Variants in OR51E1 observed in about 807,000 individuals in gnomAD.
OR51E1 encodes olfactory receptor 51E1.
In OR51E1, 9 loss-of-function variants were observed where a neutral mutation model predicts 11.5. That is an observed-to-expected ratio of 0.78 (90% confidence interval 0.47 to 1.37). The LOEUF (loss-of-function observed/expected upper bound fraction) is 1.37. OR51E1 is among the 40% of genes most tolerant of loss of function. The probability of loss-of-function intolerance (pLI) is 0.00; values close to 1 mark genes in which losing one functional copy is unlikely to be tolerated. For synonymous variants in OR51E1, 168 were observed against 158.3 expected (o/e 1.06, Z -0.46); for missense variants, 397 against 410.2 (o/e 0.97, Z 0.28).
At chr11:4,649,752 A>G (rs1318669697) in intron 1 of OR51E1, among the ~76,000 whole-genome samples, 9 of 152,174 alleles carry the variant, frequency 5.9e-5, no homozygotes, top group Non-Finnish European at 1.2e-4. Flanking sequence ...AGAAAAAAAG[A>G]AACACTGGAG....
chr11:4,651,101 C>T (rs1847091553), intron 1 of OR51E1, among the ~76,000 whole-genome samples: 1 of 152,098 alleles, frequency 6.6e-6, no homozygotes, highest in Non-Finnish European at 1.5e-5. Flanking sequence ...TCTGAGATGA[C>T]CCAAGTCTGA....
Position 4,649,347 on chromosome 11 carries a change from AG to A in OR51E1, c.-39-3140del, listed in dbSNP as rs372893959. On this transcript the variant is annotated intron_variant, in intron 1 of 1. Coordinates refer to ENST00000396952, the MANE Select transcript of OR51E1 (RefSeq NM_152430.4). ...CAGGATGTGAACAATGAGTGTGGGAAGTCAAGGAGGAAGATCTGGGAGGAAC... is the reference window on the plus strand; with the variant it reads ...CAGGATGTGAACAATGAGTGTGGGAATCAAGGAGGAAGATCTGGGAGGAAC... 1.5e-3 allele frequency among the ~76,000 whole-genome samples: 224 copies of A among 152,312 alleles called. 4 individuals are homozygous for A. The South Asian group carries it at 0.043, about 29-fold the overall frequency.
chr11:4,645,590 T>C (rs1847021749), intron 1 of OR51E1, among the ~76,000 whole-genome samples: 1 of 152,150 alleles, frequency 6.6e-6, no homozygotes, highest in Non-Finnish European at 1.5e-5. Context: ...ATTGAAAAAA[T>C]GAGTACACTG....
Position 4,652,872 on chromosome 11 carries a change from A to ATGG in OR51E1, c.346_347insTGG (p.Thr116delinsMetAla). 1 of 1,613,878 alleles carries ATGG rather than the reference A, an allele frequency of 6.2e-7. No homozygotes were observed. The highest frequency in any genetic ancestry group is 8.5e-7 in the Non-Finnish European group (1 of 1,179,874). The stretch of plus-strand genomic sequence containing the variant: ...CCACTCCTTATCTGGCATGGAATCC[A>ATGG]CAGTGCTGCTGGCCATGGCTTTTGA... On this transcript the variant is annotated protein_altering_variant, in exon 2 of 2. Coordinates refer to ENST00000396952, the MANE Select transcript of OR51E1 (RefSeq NM_152430.4).
chr11:4,650,502 T>C (rs1203362650), intron 1 of OR51E1, among the ~76,000 whole-genome samples: 1 of 152,172 alleles, frequency 6.6e-6, no homozygotes, highest in Non-Finnish European at 1.5e-5. Context: ...GCAGATTGAA[T>C]TAAACTCTCT....
In OR51E1 at chr11:4,653,229, G is replaced by T; in HGVS notation, c.703G>T (p.Ala235Ser). The T allele has an allele frequency of 1.2e-6, 2 of 1,614,050 alleles. No individual in the cohort carries two copies. Among genetic ancestry groups the T allele is most frequent in the African/African-American group, 1.3e-5 (1 of 75,028 alleles). Residue 235 changes from alanine to serine, a missense_variant, in exon 2 of 2, where the codon GCC (alanine) becomes TCC (serine). Transcript: ENST00000396952. ...LKTVLGLTRE[A>S]QAKAFGTCVS... ...GACTGTGTTGGGCTTGACACGTGAA[G>T]CCCAGGCCAAGGCATTTGGCACTTG...
intron 1 of OR51E1, among the ~76,000 whole-genome samples, chr11:4,646,050 C>T (rs1847026781): frequency 6.6e-6 from 1 of 152,174 alleles, no homozygotes; most frequent in African/African-American, 2.4e-5. Flanking sequence ...GTGACAAGCT[C>T]CTCCAGTCCT....
intron 1 of OR51E1, 42 bp from the exon 2 acceptor site, chr11:4,652,446 G>A (rs1201019149): frequency 1.2e-6 from 1 of 867,986 alleles, no homozygotes; most frequent in Non-Finnish European, 1.9e-6. Flanking sequence ...TTAGGTATTG[G>A]GATGCTTATG....
At chr11:4,645,095 C>A (rs528522563) in intron 1 of OR51E1, among the ~76,000 whole-genome samples, 1 of 146,766 alleles carries the variant, frequency 6.8e-6, no homozygotes, top group Non-Finnish European at 1.5e-5. Context: ...GAGTGTCCTG[C>A]ACCCATCTTC....
In OR51E1 at chr11:4,654,923, T is replaced by C. The variant is rs1205694785; in HGVS notation, c.*1440T>C. Reference sequence around the variant, plus strand: ...CTTTTTCAATCCTCAGGTTCCCTGATATGGATTCCTATAACATGCTTTCAT... The same window carrying C: ...CTTTTTCAATCCTCAGGTTCCCTGACATGGATTCCTATAACATGCTTTCAT... On this transcript the variant is annotated 3_prime_UTR_variant, in exon 2 of 2. Transcript: ENST00000396952. The C allele has an allele frequency of 1.8e-5, 3 of 167,096 alleles. No homozygotes were observed. Among genetic ancestry groups the C allele is most frequent in the African/African-American group, 7.2e-5 (3 of 41,468 alleles). 10.4% of individuals were successfully genotyped at this position (167,096 alleles called of 1,614,324 possible). A position where few individuals can be genotyped will look rare whatever the true frequency, so the allele number is the denominator to read the frequency against.
At chr11:4,650,788 C>T (rs766282) in intron 1 of OR51E1, among the ~76,000 whole-genome samples, 81,639 of 151,816 alleles carry the variant, frequency 0.54, 22,627 homozygotes, top group East Asian at 0.94. Flanking sequence ...AGGTTGAGTA[C>T]CCCTAATCCA....
intron 1 of OR51E1, among the ~76,000 whole-genome samples, chr11:4,650,381 C>T (rs777852630): frequency 7.9e-5 from 12 of 152,152 alleles, no homozygotes; most frequent in Non-Finnish European, 1.6e-4. Context: ...GCTCCTGGTG[C>T]CACATGCTGC....
At position 4,653,617 on chromosome 11, in the gene OR51E1, G is replaced by C. The variant is rs547715692; in HGVS notation, c.*134G>C. 37 of 563,690 alleles carry C rather than the reference G, an allele frequency of 6.6e-5. No homozygotes were observed. In the South Asian group the frequency reaches 1.0e-3, roughly 16 times the overall value. 34.9% of individuals were successfully genotyped at this position (563,690 alleles called of 1,614,324 possible). ...ACTCAGATCCTTCAAATATGAAACT[G>C]GTTGGGGAATCTCCATTTTTTCAAT... On this transcript the variant is annotated 3_prime_UTR_variant, in exon 2 of 2. Coordinates refer to ENST00000396952, the MANE Select transcript of OR51E1 (RefSeq NM_152430.4).
intron 1 of OR51E1, among the ~76,000 whole-genome samples, chr11:4,648,492 G>A (rs1847055466): frequency 6.6e-6 from 1 of 152,156 alleles, no homozygotes; most frequent in South Asian, 2.1e-4. Context: ...GCAGCACTAT[G>A]CAGTTATTAT....
chr11:4,646,217 G>C (rs1847029097), intron 1 of OR51E1, among the ~76,000 whole-genome samples: 1 of 152,160 alleles, frequency 6.6e-6, no homozygotes, highest in Admixed American at 6.5e-5. Context: ...TCACTCCATT[G>C]CTCTGGGCAT....
chr11:4,652,618 C>T lies in OR51E1; in HGVS notation c.92C>T (p.Ala31Val). The T allele has an allele frequency of 1.2e-6, 2 of 1,614,132 alleles. No homozygotes were observed. The highest frequency in any genetic ancestry group is 8.5e-7 in the Non-Finnish European group (1 of 1,179,998). ...TTAGAAGAGGCTCAGTTCTGGTTGG[C>T]CTTCCCATTGTGCTCCCTCTACCTT... Reference protein sequence around the residue: ...PGLEEAQFWLAFPLCSLYLIA... With the variant: ...PGLEEAQFWLVFPLCSLYLIA... The change falls in exon 2 of 2, where the codon GCC becomes GTC. Residue 31 changes from alanine (A) to valine (V), a missense_variant. Physicochemically the swap from Ala to Val is moderately conservative, Grantham distance 64 (BLOSUM62 0). Transcript: ENST00000396952.
In OR51E1 at chr11:4,655,367, G is replaced by A. The variant is rs1847157061; in HGVS notation, c.*1884G>A. On this transcript the variant is annotated 3_prime_UTR_variant, in exon 2 of 2. Transcript: ENST00000396952. ...TGTTACACAGAGTAAATCACCAGAA[G>A]CCTGGATTTCTGAAAAAACTGTGCA... 1 of 167,066 alleles carries A rather than the reference G, an allele frequency of 6.0e-6. No individual in the cohort carries two copies. The allele number at this position is 167,066 out of a possible 1,614,324, so 10.3% of individuals were successfully genotyped here. A position where few individuals can be genotyped will look rare whatever the true frequency, so the allele number is the denominator to read the frequency against.
At position 4,653,160 on chromosome 11, in the gene OR51E1, C is replaced by G. The variant is rs1221129746; in HGVS notation, c.634C>G (p.Leu212Val). 6.2e-7 allele frequency: 1 copy of G among 1,613,894 alleles called. No individual in the cohort carries two copies. The highest frequency in any genetic ancestry group is 1.3e-5 in the African/African-American group (1 of 74,898). ...GLIVIISAIGLDSLLISFSYL... is the reference protein window; with the variant it reads ...GLIVIISAIGVDSLLISFSYL... ...TATCGTCATCATCTCCGCCATTGGCCTGGACTCACTTCTCATCTCCTTCTC... is the reference window on the plus strand; with the variant it reads ...TATCGTCATCATCTCCGCCATTGGCGTGGACTCACTTCTCATCTCCTTCTC... Residue 212 changes from leucine (L) to valine (V), a missense_variant, in exon 2 of 2, where the codon CTG (leucine) becomes GTG (valine). Transcript: ENST00000396952.
intron 1 of OR51E1, among the ~76,000 whole-genome samples, chr11:4,644,770 T>TG (rs1847008007): frequency 6.6e-6 from 1 of 152,172 alleles, no homozygotes; most frequent in South Asian, 2.1e-4. Context: ...TAAGTTCTGT[T>TG]GCTGAAATTC....
Sources: gnomAD v4.1 joint callset for allele counts (sites outside exome capture counted in the v4.1 genomes callset) on GRCh38, gnomAD v4.1.1 for gene constraint, MANE v1.5 for transcripts, NCBI Gene and HGNC (gene_info 2026-07-23, HGNC 2026-07-21) for gene names.